THEM4: variants seen among roughly 807,000 people sequenced by gnomAD.
THEM4 encodes the protein thioesterase superfamily member 4, also known as acyl-coenzyme A thioesterase THEM4.
THEM4 carries 22 observed loss-of-function variants against 25.0 expected under a neutral mutation model. The ratio of observed to expected loss-of-function variants is 0.88; its 90% CI spans 0.63 to 1.26. THEM4 has a LOEUF of 1.26. Ranked by LOEUF, THEM4 falls within the 50% of genes most tolerant of loss-of-function variation. THEM4 has a pLI of 0.00. For synonymous variants in THEM4, 113 were observed against 105.6 expected (o/e 1.07, Z -0.43); for missense variants, 286 against 300.3 (o/e 0.95, Z 0.35).
intron 4 of THEM4, among the ~76,000 whole-genome samples, chr1:151,884,837 C>T (rs1194002304): frequency 1.3e-5 from 2 of 151,484 alleles, no homozygotes; most frequent in Non-Finnish European, 2.9e-5. Context: ...TACAGGTGCG[C>T]ACCACCACAC....
In THEM4 at chr1:151,909,417, AG is replaced by A. The variant is rs1332137642; in HGVS notation, c.41del (p.Ala14ValfsTer7). 9 of 1,489,204 alleles carry A rather than the reference AG, an allele frequency of 6.0e-6. No homozygotes were observed. The highest frequency in any genetic ancestry group is 4.5e-5 in the Admixed American group (2 of 44,384). 92.2% of individuals were successfully genotyped at this position (1,489,204 alleles called of 1,614,324 possible). A position where few individuals can be genotyped will look rare whatever the true frequency, so the allele number is the denominator to read the frequency against. On this transcript the variant is annotated frameshift_variant, in exon 1 of 6. Coordinates refer to ENST00000368814, the MANE Select transcript of THEM4 (RefSeq NM_053055.5). LOFTEE classifies it high-confidence loss of function. ...GCCGGCCTACTGGCGGCAGGCACAG[AG>A]CCCCCAGCGTGCGGAGGCGCGCGGC... ...SCAARLRTLG[A>X]LCLPPVGRRL...
At chr1:151,894,918 C>T (rs775372800) in intron 2 of THEM4, 90 bp downstream of exon 2, 2 of 1,362,052 alleles carry the variant, frequency 1.5e-6, no homozygotes, top group South Asian at 1.2e-5. Context: ...TATATTCTTT[C>T]TTTTTTTCAG....
At chr1:151,885,168 G>C (rs1653939646) in intron 4 of THEM4, among the ~76,000 whole-genome samples, 1 of 150,758 alleles carries the variant, frequency 6.6e-6, no homozygotes, top group East Asian at 2.0e-4. Context: ...GCCCAGGCTG[G>C]AGTGCAGTGG....
chr1:151,905,353 A>G (rs975699857), intron 1 of THEM4, among the ~76,000 whole-genome samples: 1 of 152,028 alleles, frequency 6.6e-6, no homozygotes, highest in African/African-American at 2.4e-5. Flanking sequence ...TGTCCACAAG[A>G]CTGATCTTTC....
At chr1:151,905,937 AT>A (rs1166817151) in intron 1 of THEM4, among the ~76,000 whole-genome samples, 2 of 152,268 alleles carry the variant, frequency 1.3e-5, no homozygotes, top group African/African-American at 4.8e-5. Context: ...CCTGGGCTGC[AT>A]AAGCAAGGGT....
chr1:151,882,391 G>T (rs962076604), intron 4 of THEM4, among the ~76,000 whole-genome samples: 1 of 141,662 alleles, frequency 7.1e-6, no homozygotes, highest in Non-Finnish European at 1.5e-5. Context: ...AAAAAAAAAA[G>T]CTTCATTTAA....
intron 2 of THEM4, among the ~76,000 whole-genome samples, chr1:151,892,758 C>G (rs902315): frequency 0.89 from 134,761 of 152,168 alleles, 59,838 homozygotes; most frequent in East Asian, 0.92. Context: ...CACTAAATTT[C>G]AACCATTTAA....
intron 4 of THEM4, among the ~76,000 whole-genome samples, chr1:151,878,692 T>C (rs1202722575): frequency 6.6e-6 from 1 of 152,156 alleles, no homozygotes; most frequent in Non-Finnish European, 1.5e-5. Flanking sequence ...GCAACAACTA[T>C]ACAGTGTAAT....
chr1:151,877,105 A>G lies in THEM4; in HGVS notation c.578T>C (p.Val193Ala). The change falls in exon 5 of 6, where the codon GTT becomes GCT. Residue 193 changes from valine (V) to alanine (A), a missense_variant. By Grantham distance (64) the Val-to-Ala change is moderately conservative. Coordinates refer to ENST00000368814, the MANE Select transcript of THEM4 (RefSeq NM_053055.5). Reference sequence around the variant, plus strand: ...ATCAAGTTGGCTATTTATCATAACAACAGAACAAAGAGGGATAGGTCTGCA... The same window carrying G: ...ATCAAGTTGGCTATTTATCATAACAGCAGAACAAAGAGGGATAGGTCTGCA... ...NYKRPIPLCS[V>A]VMINSQLDKV... 2 of 1,613,114 alleles carry G rather than the reference A, an allele frequency of 1.2e-6. No homozygotes were observed. Among genetic ancestry groups the G allele is most frequent in the Non-Finnish European group, 1.7e-6 (2 of 1,179,732 alleles).
At chr1:151,907,783 G>A (rs1654505043) in intron 1 of THEM4, among the ~76,000 whole-genome samples, 2 of 152,200 alleles carry the variant, frequency 1.3e-5, no homozygotes, top group South Asian at 2.1e-4. Flanking sequence ...GATACTGGAG[G>A]TGGTCCACAC....
At chr1:151,898,223 G>A (rs946656099) in intron 1 of THEM4, among the ~76,000 whole-genome samples, 1 of 151,888 alleles carries the variant, frequency 6.6e-6, no homozygotes, top group Non-Finnish European at 1.5e-5. Context: ...CCTCCACCTG[G>A]AAACAGACAC....
In THEM4 at chr1:151,871,325, G is replaced by GAAAA. The variant is rs11304399; in HGVS notation, c.*3559_*3562dup. ...AGGCGACAGAGCCAGACCCTGTCTTGAAAAAAAAAAAAAAAAAAGAAAAAG... is the reference window on the plus strand; with the variant it reads ...AGGCGACAGAGCCAGACCCTGTCTTGAAAAAAAAAAAAAAAAAAAAAAGAAAAAG... On this transcript the variant is annotated 3_prime_UTR_variant, in exon 6 of 6. Transcript: ENST00000368814. Among the ~76,000 whole-genome samples the GAAAA allele has an allele frequency of 1.6e-5, 2 of 123,730 alleles. No homozygotes were observed. Among genetic ancestry groups the GAAAA allele is most frequent in the Admixed American group, 8.5e-5 (1 of 11,784 alleles). The allele number at this position is 123,730 out of a possible 152,430, so 81.2% of individuals were successfully genotyped here.
In THEM4 at chr1:151,909,422, C is replaced by G; in HGVS notation, c.37G>C (p.Gly13Arg). ...CCTACTGGCGGCAGGCACAGAGCCC[C>G]CAGCGTGCGGAGGCGCGCGGCGCAG... ...RSCAARLRTL[G>R]ALCLPPVGRR... Residue 13 changes from glycine to arginine, a missense_variant, in exon 1 of 6, where the codon GGG becomes CGG. Physicochemically the swap from Gly to Arg is moderately radical, Grantham distance 125. Coordinates refer to ENST00000368814, the MANE Select transcript of THEM4 (RefSeq NM_053055.5). 6.7e-7 allele frequency: 1 copy of G among 1,483,434 alleles called. No homozygotes were observed. The highest frequency in any genetic ancestry group is 1.3e-5 in the South Asian group (1 of 78,672). The allele number at this position is 1,483,434 out of a possible 1,614,324, so 91.9% of individuals were successfully genotyped here.
intron 2 of THEM4, among the ~76,000 whole-genome samples, chr1:151,894,226 T>A (rs1278274517): frequency 6.6e-6 from 1 of 152,122 alleles, no homozygotes; most frequent in African/African-American, 2.4e-5. Flanking sequence ...GTTTGGATGA[T>A]TAAAAGATAA....
At position 151,878,359 on chromosome 1, in the gene THEM4, C is replaced by G. The variant is rs541002703; in HGVS notation, c.558-1234G>C. 4.6e-5 allele frequency among the ~76,000 whole-genome samples: 7 copies of G among 152,288 alleles called. No individual in the cohort carries two copies. In the East Asian group the frequency reaches 1.4e-3, roughly 29 times the overall value. The stretch of plus-strand genomic sequence containing the variant: ...GAAATAGTCAATCCTGGAACTTGTG[C>G]TGTAGCCCTTGGGGCTGGGTTCTTT... On this transcript the variant is annotated intron_variant, in intron 4 of 5. Coordinates refer to ENST00000368814, the MANE Select transcript of THEM4 (RefSeq NM_053055.5).
chr1:151,882,608 T>C (rs1052572077), intron 4 of THEM4, among the ~76,000 whole-genome samples: 15 of 152,180 alleles, frequency 9.9e-5, no homozygotes, highest in African/African-American at 3.6e-4. Context: ...CATTTTGCAT[T>C]TGAGCTTGTT....
Position 151,895,360 on chromosome 1 carries a change from A to G in THEM4, c.100-166T>C, listed in dbSNP as rs558081161. Among the ~76,000 whole-genome samples the G allele has an allele frequency of 5.9e-5, 9 of 152,276 alleles. No individual in the cohort carries two copies. In the East Asian group the frequency reaches 1.3e-3, roughly 23 times the overall value. ...GATCATCTGGTCCAACCTCCTTGGG[A>G]AAATGAGAGACTGAGAGAGGGAAAA... is the stretch of plus-strand genomic sequence containing the variant. On this transcript the variant is annotated intron_variant, in intron 1 of 5. Transcript: ENST00000368814.
intron 1 of THEM4, among the ~76,000 whole-genome samples, chr1:151,900,187 C>G (rs1312317864): frequency 6.6e-6 from 1 of 152,056 alleles, no homozygotes; most frequent in Non-Finnish European, 1.5e-5. Context: ...CCCAGAAACC[C>G]ATCAAAACAG....
At chr1:151,893,880 G>C (rs762205447) in intron 2 of THEM4, among the ~76,000 whole-genome samples, 1 of 151,656 alleles carries the variant, frequency 6.6e-6, no homozygotes, top group Admixed American at 6.6e-5. Flanking sequence ...TGTAGGGGGG[G>C]AGACAGTCTC....
Sources: gnomAD v4.1 joint callset for allele counts (sites outside exome capture counted in the v4.1 genomes callset) on GRCh38, gnomAD v4.1.1 for gene constraint, MANE v1.5 for transcripts, NCBI Gene and HGNC (gene_info 2026-07-23, HGNC 2026-07-21) for gene names.